The following BTG4 variants were observed in gnomAD, a reference collection of about 807,000 sequenced individuals.
BTG4 encodes the protein BTG anti-proliferation factor 4.
BTG4 carries 10 observed loss-of-function variants against 19.3 expected under a neutral mutation model. That is an observed-to-expected ratio of 0.52 (90% confidence interval 0.32 to 0.88). The LOEUF (loss-of-function observed/expected upper bound fraction) is 0.88, where lower values mean the gene tolerates loss of function less well. BTG4 is among the 40% of genes least tolerant of loss of function. BTG4 has a pLI of 0.04. For synonymous variants in BTG4, 91 were observed against 95.7 expected, an observed-to-expected ratio of 0.95 and a Z score of 0.29; for missense variants, 238 against 281.9, an observed-to-expected ratio of 0.84 and a Z score of 1.11.
chr11:111,422,906 A>G, the BTG4 span, among the ~76,000 whole-genome samples: 1 of 152,170 alleles, frequency 6.6e-6, no homozygotes, highest in African/African-American at 2.4e-5. Flanking sequence ...GTGCTGTGGC[A>G]GCTTTGGTCT....
At chr11:111,437,041 C>T in the BTG4 span, among the ~76,000 whole-genome samples, 2 of 152,192 alleles carry the variant, frequency 1.3e-5, no homozygotes, top group Non-Finnish European at 2.9e-5. Context: ...CAACCCAAGT[C>T]GCAGACAATA....
At chr11:111,394,609 A>T in the BTG4 span, among the ~76,000 whole-genome samples, 16 of 152,198 alleles carry the variant, frequency 1.1e-4, no homozygotes, top group South Asian at 6.2e-4. Context: ...CATCAGCAGC[A>T]TGAAAACAGA....
downstream of BTG4, among the ~76,000 whole-genome samples, chr11:111,494,365 A>T (rs1180222360): frequency 1.3e-5 from 2 of 152,216 alleles, no homozygotes; most frequent in Admixed American, 1.3e-4. Context: ...GAATTTTCTA[A>T]CAACTAGAGA....
the BTG4 span, among the ~76,000 whole-genome samples, chr11:111,452,175 A>G: frequency 6.6e-6 from 1 of 152,226 alleles, no homozygotes; most frequent in East Asian, 1.9e-4. Context: ...AAGAGGTTTT[A>G]CTGGCTTAGT....
chr11:111,412,010 T>C, the BTG4 span, among the ~76,000 whole-genome samples: 1 of 152,142 alleles, frequency 6.6e-6, no homozygotes, highest in Non-Finnish European at 1.5e-5. Context: ...GACAGAAATA[T>C]GATAAGTCAG....
chr11:111,453,542 C>G, the BTG4 span: 4 of 456,564 alleles, frequency 8.8e-6, no homozygotes, highest in South Asian at 6.2e-5. Flanking sequence ...AGAGGCCGAT[C>G]TCACCAAGAC....
chr11:111,513,474 T>A (rs1418339841), upstream of BTG4: 1 of 534,418 alleles, frequency 1.9e-6, no homozygotes, highest in East Asian at 5.4e-5. Flanking sequence ...AGCTGATTGC[T>A]AATAGTACCA....
At chr11:111,492,344 T>C (rs1246794886), downstream of BTG4, among the ~76,000 whole-genome samples, 2 of 152,228 alleles carry the variant, frequency 1.3e-5, no homozygotes, top group African/African-American at 4.8e-5. Flanking sequence ...TTATGTTGCA[T>C]TTTTTATCTA....
the BTG4 span, among the ~76,000 whole-genome samples, chr11:111,390,473 A>C: frequency 6.6e-6 from 1 of 152,248 alleles, no homozygotes; most frequent in South Asian, 2.1e-4. Context: ...CATCTTGGGC[A>C]CATTCAGAAA....
the BTG4 span, among the ~76,000 whole-genome samples, chr11:111,389,777 C>A: frequency 6.6e-6 from 1 of 152,108 alleles, no homozygotes; most frequent in Admixed American, 6.5e-5. Flanking sequence ...GGCATGAGTA[C>A]GTTTTTCTTT....
At chr11:111,436,446 C>A in the BTG4 span, among the ~76,000 whole-genome samples, 1 of 152,094 alleles carries the variant, frequency 6.6e-6, no homozygotes, top group South Asian at 2.1e-4. Flanking sequence ...GCAAACATGG[C>A]AAAACCCCAT....
chr11:111,395,710 C>T, the BTG4 span, among the ~76,000 whole-genome samples: 1 of 152,116 alleles, frequency 6.6e-6, no homozygotes, highest in Non-Finnish European at 1.5e-5. Flanking sequence ...CAGGTGGGGC[C>T]CACAGGCTGT....
At chr11:111,499,907 C>T (rs1393885955) in intron 1 of BTG4, among the ~76,000 whole-genome samples, 9 of 151,916 alleles carry the variant, frequency 5.9e-5, no homozygotes, top group Non-Finnish European at 1.3e-4. Flanking sequence ...TTTGGAAGGC[C>T]GAGGCAGGTG....
chr11:111,466,021 C>T (rs531524668), downstream of BTG4, among the ~76,000 whole-genome samples: 9 of 152,312 alleles, frequency 5.9e-5, no homozygotes, highest in South Asian at 1.9e-3. Flanking sequence ...TTCCCAGCCC[C>T]ACTTCAACCT....
chr11:111,479,781 T>C (rs1432214892), intron 5 of BTG4, among the ~76,000 whole-genome samples: 1 of 152,080 alleles, frequency 6.6e-6, no homozygotes, highest in East Asian at 1.9e-4. Flanking sequence ...AAAATAACAC[T>C]GGTAGACTGT....
chr11:111,448,349 A>G, the BTG4 span: 6 of 152,452 alleles, frequency 3.9e-5, no homozygotes, highest in Non-Finnish European at 8.8e-5. Flanking sequence ...GGAGAAGAGC[A>G]CTGTCAGGGG....
chr11:111,461,678 C>T, the BTG4 span, among the ~76,000 whole-genome samples: 2 of 152,032 alleles, frequency 1.3e-5, no homozygotes, highest in Non-Finnish European at 2.9e-5. Flanking sequence ...TGCGCCATTG[C>T]CCTCCAGCCT....
At chr11:111,426,135 C>T in the BTG4 span, among the ~76,000 whole-genome samples, 4 of 152,028 alleles carry the variant, frequency 2.6e-5, no homozygotes, top group African/African-American at 4.8e-5. Context: ...AGGAGCACAG[C>T]GGGACAAGGA....
At chr11:111,458,943 G>A in the BTG4 span, among the ~76,000 whole-genome samples, 1 of 152,154 alleles carries the variant, frequency 6.6e-6, no homozygotes, top group Non-Finnish European at 1.5e-5. Flanking sequence ...AAAAGGAAGA[G>A]TAAAATCGTG....
Sources: allele counts gnomAD v4.1 joint callset (sites outside exome capture counted in the v4.1 genomes callset), GRCh38; gene constraint gnomAD v4.1.1; transcripts MANE v1.5; gene names NCBI Gene and HGNC (gene_info 2026-07-23, HGNC 2026-07-21).